DNAH14: variants seen among roughly 807,000 people sequenced by gnomAD.
DNAH14 encodes the protein dynein axonemal heavy chain 14, also known as axonemal beta dynein heavy chain 14.
A neutral mutation model predicts 520.9 loss-of-function variants in DNAH14; 478 were observed. The observed-to-expected ratio is 0.92, with a 90% CI of 0.85 to 0.99. The LOEUF is 0.99. DNAH14 is among the 50% of genes least tolerant of loss of function. The pLI is 0.00. For missense variants in DNAH14, 4,831 were observed against 5,234.5 expected, an observed-to-expected ratio of 0.92 and a Z score of 2.38; for synonymous variants, 1,581 against 1,757.2, an observed-to-expected ratio of 0.90 and a Z score of 2.51.
rs745347867 is a variant in DNAH14, at chr1:225,079,572, A to AT, written c.2766+34dup. ...AGGTAAGTTTTTAGGGTTTTTTTGG[A>AT]TTTTTTTTTTATTAAAAACTTGATC... On this transcript the variant is annotated intron_variant, in intron 18 of 85. Coordinates refer to ENST00000682510, the MANE Select transcript of DNAH14 (RefSeq NM_001367479.1). 2.1e-3 allele frequency: 2,936 copies of AT among 1,368,530 alleles called. 1 individual carries two copies. Among genetic ancestry groups the AT allele is most frequent in the South Asian group, 3.2e-3 (208 of 64,666 alleles). 84.8% of individuals were successfully genotyped at this position (1,368,530 alleles called of 1,614,324 possible). A position where few individuals can be genotyped will look rare whatever the true frequency, so the allele number is the denominator to read the frequency against.
chr1:225,208,766 T>A (rs1173555250), intron 41 of DNAH14, among the ~76,000 whole-genome samples: 3 of 152,140 alleles, frequency 2.0e-5, no homozygotes, highest in Non-Finnish European at 4.4e-5. Context: ...TCTTGGATGT[T>A]CTGTTCTTTT....
intron 53 of DNAH14, among the ~76,000 whole-genome samples, chr1:225,277,046 GAAGGA>G (rs1210771763): frequency 4.7e-5 from 5 of 107,488 alleles, no homozygotes; most frequent in African/African-American, 1.1e-4. Context: ...GAAAGGAAGG[GAAGGA>G]AAGGAAAGGA....
chr1:225,180,901 TG>T (rs2083909975), intron 36 of DNAH14, among the ~76,000 whole-genome samples: 1 of 152,210 alleles, frequency 6.6e-6, no homozygotes, highest in Non-Finnish European at 1.5e-5. Flanking sequence ...TGCTGAGGTT[TG>T]GGCTTCTATT....
intron 41 of DNAH14, among the ~76,000 whole-genome samples, chr1:225,212,416 T>C (rs1056784641): frequency 6.0e-4 from 92 of 152,284 alleles, no homozygotes; most frequent in Middle Eastern, 6.8e-3. Flanking sequence ...TTTGGGTATA[T>C]ACCCAGTAAT....
In DNAH14 at chr1:225,070,103, C is replaced by T. The variant is rs1484098733; in HGVS notation, c.2425-9104C>T. On this transcript the variant is annotated intron_variant, in intron 17 of 85. Coordinates refer to ENST00000682510, the MANE Select transcript of DNAH14 (RefSeq NM_001367479.1). ...TTATTTGAATACTCTCCCTTTTCTA[C>T]TTTATTCGTCTAGCTAGCAGTGTCT... Among the ~76,000 whole-genome samples, 4 of 151,982 alleles carry T rather than the reference C, an allele frequency of 2.6e-5. No homozygotes were observed. In the East Asian group the frequency reaches 7.7e-4, roughly 29 times the overall value.
At chr1:225,171,466 C>G (rs950964463) in intron 36 of DNAH14, among the ~76,000 whole-genome samples, 1 of 152,148 alleles carries the variant, frequency 6.6e-6, no homozygotes, top group Non-Finnish European at 1.5e-5. Flanking sequence ...GAAATACAAA[C>G]TACCATCAGA....
intron 3 of DNAH14, among the ~76,000 whole-genome samples, chr1:224,957,698 G>A (rs1174465440): frequency 6.6e-6 from 1 of 152,140 alleles, no homozygotes; most frequent in African/African-American, 2.4e-5. Context: ...ACACTGGTAA[G>A]TAACATGAGG....
chr1:225,316,904 T>C (rs2094478563), intron 60 of DNAH14, among the ~76,000 whole-genome samples: 1 of 152,264 alleles, frequency 6.6e-6, no homozygotes, highest in South Asian at 2.1e-4. Flanking sequence ...TATAATATCA[T>C]TTCCTAAAAA....
At chr1:225,019,949 C>G (rs939754235) in intron 10 of DNAH14, among the ~76,000 whole-genome samples, 2 of 151,614 alleles carry the variant, frequency 1.3e-5, no homozygotes, top group Non-Finnish European at 2.9e-5. Flanking sequence ...CCTAGAGGAA[C>G]CAGAAAAACA....
chr1:225,070,617 T>C (rs1382172010), intron 17 of DNAH14, among the ~76,000 whole-genome samples: 1 of 152,210 alleles, frequency 6.6e-6, no homozygotes, highest in African/African-American at 2.4e-5. Context: ...AGGAGTGTTT[T>C]ACTCCTGATT....
At chr1:225,127,155 A>G (rs1424957131) in intron 27 of DNAH14, among the ~76,000 whole-genome samples, 2 of 142,624 alleles carry the variant, frequency 1.4e-5, no homozygotes, top group Admixed American at 7.1e-5. Context: ...GAATAAGTGC[A>G]GTGTGGTGCT....
chr1:225,187,731 G>T (rs573815360), intron 37 of DNAH14, among the ~76,000 whole-genome samples: 26 of 151,672 alleles, frequency 1.7e-4, no homozygotes, highest in African/African-American at 6.0e-4. Context: ...ATGCTTATTG[G>T]CCATTTGTGT....
intron 42 of DNAH14, among the ~76,000 whole-genome samples, chr1:225,236,027 A>G (rs1391202825): frequency 1.3e-5 from 2 of 151,772 alleles, no homozygotes; most frequent in East Asian, 1.9e-4. Context: ...TCATGTCTCT[A>G]TCTCCTTCAG....
At chr1:225,030,214 A>G (rs989901564) in intron 11 of DNAH14, among the ~76,000 whole-genome samples, 1 of 151,900 alleles carries the variant, frequency 6.6e-6, no homozygotes, top group African/African-American at 2.4e-5. Context: ...ATGAATGAAA[A>G]TGAAAACACA....
chr1:225,145,254 A>G, intron 29 of DNAH14, 72 bp from the exon 30 acceptor site: 1 of 1,199,826 alleles, frequency 8.3e-7, no homozygotes, highest in Non-Finnish European at 1.2e-6. Flanking sequence ...ACATTTTATT[A>G]CTCTAGCAGT....
intron 37 of DNAH14, among the ~76,000 whole-genome samples, chr1:225,188,582 A>G (rs1320314056): frequency 6.6e-6 from 1 of 151,978 alleles, no homozygotes; most frequent in East Asian, 1.9e-4. Context: ...CCCTGGGGAT[A>G]AAGGCGGATT....
At chr1:225,361,900 T>C (rs1387475153) in intron 75 of DNAH14, among the ~76,000 whole-genome samples, 2 of 152,236 alleles carry the variant, frequency 1.3e-5, no homozygotes, top group African/African-American at 4.8e-5. Flanking sequence ...ATAATTTCTC[T>C]TTTTCACATT....
At chr1:225,370,080 G>A (rs1328089657) in intron 77 of DNAH14, among the ~76,000 whole-genome samples, 1 of 151,896 alleles carries the variant, frequency 6.6e-6, no homozygotes, top group Non-Finnish European at 1.5e-5. Flanking sequence ...ACCTAAGGTC[G>A]GGAGTTAGAG....
chr1:225,036,829 A>G (rs952000845), intron 11 of DNAH14, among the ~76,000 whole-genome samples: 5 of 152,196 alleles, frequency 3.3e-5, no homozygotes, highest in African/African-American at 1.2e-4. Flanking sequence ...GCTGGAACTT[A>G]AAGTGGCAGT....
Sources: allele counts gnomAD v4.1 joint callset (sites outside exome capture counted in the v4.1 genomes callset), GRCh38; gene constraint gnomAD v4.1.1; transcripts MANE v1.5; gene names NCBI Gene and HGNC (gene_info 2026-07-23, HGNC 2026-07-21).